Variants in TUSC3 observed in about 807,000 individuals in gnomAD.
The protein encoded by TUSC3 is tumor suppressor candidate 3.
A neutral mutation model predicts 44.8 loss-of-function variants in TUSC3; 45 were observed. The ratio of observed to expected loss-of-function variants is 1.00; its 90% confidence interval spans 0.79 to 1.29. The LOEUF is 1.29. TUSC3 is among the 50% of genes most tolerant of loss of function. TUSC3 has a pLI of 0.00. For synonymous variants in TUSC3, 212 were observed against 152.9 expected, an observed-to-expected ratio of 1.39 and a Z score of -2.85; for missense variants, 519 against 437.9, an observed-to-expected ratio of 1.19 and a Z score of -1.65.
chr8:15,803,220 T>G, the TUSC3 span, among the ~76,000 whole-genome samples: 1 of 152,098 alleles, frequency 6.6e-6, no homozygotes, highest in Admixed American at 6.5e-5. Flanking sequence ...AATTTATCTT[T>G]CCGGCAATGC....
intron 1 of TUSC3, among the ~76,000 whole-genome samples, chr8:15,461,238 G>A (rs149546855): frequency 1.3e-5 from 2 of 151,782 alleles, no homozygotes; most frequent in Non-Finnish European, 2.9e-5. Context: ...GAGGTCTTTC[G>A]CCTCCTTGTT....
intron 1 of TUSC3, among the ~76,000 whole-genome samples, chr8:15,426,194 G>T (rs1232861159): frequency 1.3e-5 from 2 of 152,170 alleles, no homozygotes; most frequent in Non-Finnish European, 2.9e-5. Context: ...TAACAGTCAT[G>T]TCCACAACCT....
intron 10 of TUSC3, among the ~76,000 whole-genome samples, chr8:15,763,222 T>A (rs1368191819): frequency 6.6e-6 from 1 of 151,934 alleles, no homozygotes; most frequent in African/African-American, 2.4e-5. Flanking sequence ...TCCTAAAATA[T>A]TAGCACGAAA....
At chr8:15,692,696 A>G (rs1298128600) in intron 6 of TUSC3, among the ~76,000 whole-genome samples, 1 of 149,304 alleles carries the variant, frequency 6.7e-6, no homozygotes, top group Non-Finnish European at 1.5e-5. Context: ...AGTCAGTCGT[A>G]GCACCCCCTT....
chr8:15,540,482 C>T lies in TUSC3; in HGVS notation c.52C>T (p.Arg18Trp). 1 of 1,607,684 alleles carries T rather than the reference C, an allele frequency of 6.2e-7. No homozygotes were observed. Among genetic ancestry groups the T allele is most frequent in the East Asian group, 2.2e-5 (1 of 44,452 alleles). Reference sequence around the variant, plus strand: ...CCGTAGGCAAGCGGGGCGGCGGCTGCGGTACCTGCCCACCGGGAGCTTTCC... The same window carrying T: ...CCGTAGGCAAGCGGGGCGGCGGCTGTGGTACCTGCCCACCGGGAGCTTTCC... ...SRRRQAGRRL[R>W]YLPTGSFPFL... Residue 18 changes from arginine (R) to tryptophan (W), a missense_variant, in exon 1 of 11, where the codon CGG (arginine) becomes TGG (tryptophan). Arg to Trp is a moderately radical substitution (Grantham distance 101). Coordinates refer to ENST00000503731, the MANE Select transcript of TUSC3 (RefSeq NM_006765.4).
intron 6 of TUSC3, among the ~76,000 whole-genome samples, chr8:15,685,691 C>G (rs1036599180): frequency 6.6e-6 from 1 of 152,088 alleles, no homozygotes; most frequent in African/African-American, 2.4e-5. Flanking sequence ...TAGAATGGCG[C>G]ATAGTTTGTG....
chr8:15,601,102 G>C (rs1026674577), intron 1 of TUSC3, among the ~76,000 whole-genome samples: 1 of 151,696 alleles, frequency 6.6e-6, no homozygotes, highest in African/African-American at 2.4e-5. Context: ...CAGCAGATTT[G>C]TTACAGTATC....
intron 1 of TUSC3, among the ~76,000 whole-genome samples, chr8:15,446,907 A>ATAC: frequency 3.0e-5 from 1 of 32,810 alleles, no homozygotes; most frequent in African/African-American, 4.6e-5. Context: ...ACAGAAAAAA[A>ATAC]AACAAAGGAG....
chr8:15,549,443 A>T (rs970444346), intron 1 of TUSC3, among the ~76,000 whole-genome samples: 2 of 151,768 alleles, frequency 1.3e-5, no homozygotes, highest in African/African-American at 2.4e-5. Context: ...AAGTGCTGGG[A>T]TTACAGGCGT....
intron 2 of TUSC3, among the ~76,000 whole-genome samples, chr8:15,649,244 A>T (rs1309300191): frequency 6.6e-6 from 1 of 152,052 alleles, no homozygotes; most frequent in Non-Finnish European, 1.5e-5. Context: ...GAAGGCTAAC[A>T]TTGGGACTGG....
rs138664365 is a variant in TUSC3 at position 15,442,518 on chromosome 8, G to A, written n.91+25213G>A. 3.1e-3 allele frequency among the ~76,000 whole-genome samples: 471 copies of A among 152,160 alleles called. 4 individuals are homozygous for A. Among genetic ancestry groups the A allele is most frequent in the African/African-American group, 0.01 (433 of 41,536 alleles). On this transcript the variant is annotated intron_variant and non_coding_transcript_variant, in intron 1 of 5. Transcript: ENST00000503191. ...TCTGATTAGCTGTTCCCAGTGGATTGTTTACTTTCTTACTAAAATACACAT... is the reference window on the plus strand; with the variant it reads ...TCTGATTAGCTGTTCCCAGTGGATTATTTACTTTCTTACTAAAATACACAT...
At chr8:15,751,068 T>C (rs1294621524) in intron 9 of TUSC3, among the ~76,000 whole-genome samples, 1 of 152,110 alleles carries the variant, frequency 6.6e-6, no homozygotes, top group Non-Finnish European at 1.5e-5. Flanking sequence ...TAACAGCTCT[T>C]CACAGTGCTC....
chr8:15,438,822 A>G (rs1799984357), intron 1 of TUSC3, among the ~76,000 whole-genome samples: 1 of 152,212 alleles, frequency 6.6e-6, no homozygotes, highest in African/African-American at 2.4e-5. Context: ...TATTATCCCC[A>G]TCTCAAAGAT....
At chr8:15,802,118 A>C in the TUSC3 span, among the ~76,000 whole-genome samples, 1 of 152,150 alleles carries the variant, frequency 6.6e-6, no homozygotes, top group African/African-American at 2.4e-5. Flanking sequence ...AAGACACACC[A>C]CGTAAGAGTA....
At chr8:15,488,359 G>A (rs985989057) in intron 2 of TUSC3, among the ~76,000 whole-genome samples, 2 of 151,868 alleles carry the variant, frequency 1.3e-5, no homozygotes, top group Admixed American at 1.3e-4. Flanking sequence ...ATAAATAGCT[G>A]GGTGTAGTGG....
At chr8:15,566,651 G>A (rs559850062) in intron 1 of TUSC3, among the ~76,000 whole-genome samples, 4 of 150,796 alleles carry the variant, frequency 2.7e-5, no homozygotes, top group Non-Finnish European at 5.9e-5. Context: ...ACAGGGTCTT[G>A]CTCTGTTGCT....
chr8:15,825,777 T>C, the TUSC3 span, among the ~76,000 whole-genome samples: 1 of 152,128 alleles, frequency 6.6e-6, no homozygotes, highest in Non-Finnish European at 1.5e-5. Flanking sequence ...TGCCCAGGTA[T>C]TTTGTTGTTA....
the TUSC3 span, among the ~76,000 whole-genome samples, chr8:15,844,173 A>C: frequency 1.3e-5 from 2 of 151,848 alleles, no homozygotes; most frequent in African/African-American, 4.9e-5. Context: ...ATGGCAAAAA[A>C]AATATCTCTT....
rs1197973520 is a variant in TUSC3, at chr8:15,631,937, G to A, written c.308+8688G>A. Among the ~76,000 whole-genome samples, 3 of 152,068 alleles carry A rather than the reference G, an allele frequency of 2.0e-5. No homozygotes were observed. In the East Asian group the frequency reaches 5.8e-4, roughly 29 times the overall value. ...TTGGCCAGGCTGGTCTTGAACTCCT[G>A]ACCTCCTGATCCGCCTGCCTTGGCC... On this transcript the variant is annotated intron_variant, in intron 2 of 10. Transcript: ENST00000503731.
Sources: allele counts gnomAD v4.1 joint callset (sites outside exome capture counted in the v4.1 genomes callset), GRCh38; gene constraint gnomAD v4.1.1; transcripts MANE v1.5; gene names NCBI Gene and HGNC (gene_info 2026-07-23, HGNC 2026-07-21).